ALLC: variants seen among roughly 807,000 people sequenced by gnomAD.
The protein encoded by ALLC is allantoicase, also known as probable inactive allantoicase.
Under a neutral mutation model 45.0 loss-of-function variants are expected in ALLC, and 40 were observed. The ratio of observed to expected loss-of-function variants is 0.89; its 90% CI spans 0.69 to 1.16. ALLC has a LOEUF of 1.16. ALLC is among the 50% of genes most tolerant of loss of function. The pLI is 0.00. For synonymous variants in ALLC, 176 were observed against 178.1 expected (o/e 0.99, Z 0.09); for missense variants, 488 against 493.1 (o/e 0.99, Z 0.10).
the ALLC span, among the ~76,000 whole-genome samples, chr2:3,649,031 C>A: frequency 6.6e-6 from 1 of 152,108 alleles, no homozygotes; most frequent in African/African-American, 2.4e-5. Flanking sequence ...GTGAACATAG[C>A]CCAGGACAGT....
intron 1 of ALLC, among the ~76,000 whole-genome samples, chr2:3,669,813 C>G (rs970421991): frequency 3.9e-5 from 6 of 152,114 alleles, no homozygotes; most frequent in Admixed American, 2.6e-4. Flanking sequence ...TGGGAGGCTG[C>G]GATGGGGCAG....
chr2:3,657,520 G>A (rs1666470916), upstream of ALLC, among the ~76,000 whole-genome samples: 1 of 152,112 alleles, frequency 6.6e-6, no homozygotes, highest in Admixed American at 6.5e-5. Flanking sequence ...CTGCCTTCAA[G>A]GCCCCAGCTG....
intron 10 of ALLC, among the ~76,000 whole-genome samples, 165 bp downstream of exon 10, chr2:3,697,621 G>GTCTGTCTATCTA (rs1354630765): frequency 0.011 from 1,349 of 125,422 alleles, 24 homozygotes; most frequent in African/African-American, 0.033. Flanking sequence ...CTGTCTGTCT[G>GTCTGTCTATCTA]TCTATCTATC....
intron 7 of ALLC, among the ~76,000 whole-genome samples, chr2:3,693,248 G>A (rs993062847): frequency 1.3e-5 from 2 of 152,202 alleles, no homozygotes; most frequent in African/African-American, 4.8e-5. Context: ...GAACAGGACA[G>A]CAAAGCTCTC....
At chr2:3,694,511 TG>T (rs1253596835) in intron 7 of ALLC, 1 of 152,238 alleles carries the variant, frequency 6.6e-6, no homozygotes, top group Non-Finnish European at 1.5e-5. Flanking sequence ...ATATTAACTC[TG>T]TAAAGAAGAA....
the ALLC span, among the ~76,000 whole-genome samples, chr2:3,649,264 C>T: frequency 5.1e-4 from 72 of 141,210 alleles, 1 homozygote; most frequent in Middle Eastern, 8.1e-3. Flanking sequence ...TTTTTTGAGA[C>T]GGAGTCTCGC....
intron 7 of ALLC, among the ~76,000 whole-genome samples, chr2:3,683,412 A>G (rs886513405): frequency 8.5e-5 from 13 of 152,264 alleles, no homozygotes; most frequent in Non-Finnish European, 2.9e-5. Context: ...TTATTGTGAT[A>G]TAATTAACAT....
chr2:3,681,722 C>A lies in ALLC; in HGVS notation c.378+9C>A. ...TTGAAGCCATTGCTGAGGTACATCT[C>A]CCCCAAATGAATTGGGTCTTGTCAC... On this transcript the variant is annotated intron_variant, in intron 6 of 11. Transcript: ENST00000252505. 6.2e-7 allele frequency: 1 copy of A among 1,600,720 alleles called. No individual in the cohort carries two copies. The highest frequency in any genetic ancestry group is 8.5e-7 in the Non-Finnish European group (1 of 1,172,068).
chr2:3,693,125 G>A (rs12621224), intron 7 of ALLC, among the ~76,000 whole-genome samples: 19,746 of 152,130 alleles, frequency 0.13, 1,602 homozygotes, highest in African/African-American at 0.23. Context: ...AATTTTAGCA[G>A]ATATTCTTGA....
upstream of ALLC, among the ~76,000 whole-genome samples, chr2:3,654,434 C>T (rs1468188597): frequency 1.3e-5 from 2 of 152,264 alleles, no homozygotes; most frequent in Non-Finnish European, 2.9e-5. Flanking sequence ...TCCTGCTCAG[C>T]ATGGAAGGGA....
At chr2:3,679,809 G>A (rs995599453) in intron 4 of ALLC, 60 bp from the exon 5 acceptor site, 50 of 1,602,226 alleles carry the variant, frequency 3.1e-5, no homozygotes, top group Middle Eastern at 4.2e-4. Flanking sequence ...GCACTGCCTC[G>A]CATGCAGCAT....
rs1201536199 is a variant in ALLC at position 3,697,437 on chromosome 2, T to G, written c.831T>G (p.Ile277Met). The change falls in exon 10 of 12, where the codon ATT becomes ATG. Residue 277 changes from isoleucine to methionine, a missense_variant. Ile to Met is a conservative substitution (Grantham distance 10). Transcript: ENST00000252505. ...CTGGAGTAATAACTCGAATTGAAAT[T>G]GACACAAAATATTTTGAAGGTAAAT... Reference protein sequence around the residue: ...AHPGVITRIEIDTKYFEGNAP... With the variant: ...AHPGVITRIEMDTKYFEGNAP... 3 of 1,613,606 alleles carry G rather than the reference T, an allele frequency of 1.9e-6. No homozygotes were observed. Among genetic ancestry groups the G allele is most frequent in the South Asian group, 2.2e-5 (2 of 91,068 alleles).
At chr2:3,665,839 T>C (rs375015513) in intron 1 of ALLC, among the ~76,000 whole-genome samples, 11 of 152,334 alleles carry the variant, frequency 7.2e-5, no homozygotes, top group African/African-American at 2.6e-4. Flanking sequence ...AGTAATGGGA[T>C]TGCTGGGTCA....
chr2:3,676,534 A>T (rs969331561), intron 3 of ALLC, among the ~76,000 whole-genome samples: 2 of 152,186 alleles, frequency 1.3e-5, no homozygotes, highest in African/African-American at 4.8e-5. Context: ...GGCGTGAGCC[A>T]CCGTGCCCGG....
intron 7 of ALLC, among the ~76,000 whole-genome samples, chr2:3,687,616 A>G (rs1489901717): frequency 6.6e-6 from 1 of 150,890 alleles, no homozygotes; most frequent in Non-Finnish European, 1.5e-5. Flanking sequence ...TTATCTCATC[A>G]TTCATTATTG....
intron 6 of ALLC, 61 bp from the exon 7 acceptor site, chr2:3,682,881 T>C: frequency 6.4e-7 from 1 of 1,570,486 alleles, no homozygotes; most frequent in Non-Finnish European, 8.7e-7. Flanking sequence ...ACAGAGGCAA[T>C]AGGATGACAG....
chr2:3,687,590 T>G (rs12994630), intron 7 of ALLC, among the ~76,000 whole-genome samples: 43,816 of 150,470 alleles, frequency 0.29, 7,651 homozygotes, highest in Middle Eastern at 0.35. Flanking sequence ...ATGGGAGACT[T>G]TTTAAATTTC....
At chr2:3,698,053 T>A (rs894994729) in intron 10 of ALLC, among the ~76,000 whole-genome samples, 2 of 152,078 alleles carry the variant, frequency 1.3e-5, no homozygotes, top group Non-Finnish European at 2.9e-5. Context: ...AACCTCTGCC[T>A]CCTGGGTTCA....
At position 3,668,869 on chromosome 2, in the gene ALLC, C is replaced by T. The variant is rs549410285; in HGVS notation, c.-62-2227C>T. Among the ~76,000 whole-genome samples the T allele has an allele frequency of 1.6e-3, 245 of 152,002 alleles. 1 individual carries two copies. Among genetic ancestry groups the T allele is most frequent in the African/African-American group, 5.2e-3 (215 of 41,472 alleles). On this transcript the variant is annotated intron_variant, in intron 1 of 11. Coordinates refer to ENST00000252505, the MANE Select transcript of ALLC (RefSeq NM_018436.4). Reference sequence around the variant, plus strand: ...GGGATTACAGGAGTGAGCCACCGCGCCTGGCCATGTGTATGACTTTGATTG... The same window carrying T: ...GGGATTACAGGAGTGAGCCACCGCGTCTGGCCATGTGTATGACTTTGATTG...
Sources: allele counts gnomAD v4.1 joint callset (sites outside exome capture counted in the v4.1 genomes callset), GRCh38; gene constraint gnomAD v4.1.1; transcripts MANE v1.5; gene names NCBI Gene and HGNC (gene_info 2026-07-23, HGNC 2026-07-21).